Variants in ZNF180 observed in about 807,000 individuals in gnomAD.
The protein encoded by ZNF180 is zinc finger protein 180, also known as zinc finger protein 180 (HHZ168).
A neutral mutation model predicts 11.8 loss-of-function variants in ZNF180; 11 were observed. That is an observed-to-expected ratio of 0.93 (90% CI 0.59 to 1.55). ZNF180 has a LOEUF of 1.55. Ranked by LOEUF, ZNF180 falls within the 40% of genes most tolerant of loss-of-function variation. The pLI, the probability that ZNF180 is intolerant of heterozygous loss-of-function variation, is 0.00. For missense variants in ZNF180, 773 were observed against 781.7 expected, an observed-to-expected ratio of 0.99 and a Z score of 0.13; for synonymous variants, 287 against 257.7, an observed-to-expected ratio of 1.11 and a Z score of -1.09.
In ZNF180 at chr19:44,500,488, C is replaced by T; in HGVS notation, c.-257G>A. On this transcript the variant is annotated 5_prime_UTR_variant, in exon 1 of 5. Transcript: ENST00000592529. Reference sequence around the variant, plus strand: ...GAAGGGCCGAGCTGCTCGGCGACAGCAAGCGTCCGCGCGCGGGACAATGGC... The same window carrying T: ...GAAGGGCCGAGCTGCTCGGCGACAGTAAGCGTCCGCGCGCGGGACAATGGC... 3.6e-6 allele frequency: 2 copies of T among 549,132 alleles called. No individual in the cohort carries two copies. The highest frequency in any genetic ancestry group is 6.5e-6 in the Non-Finnish European group (2 of 309,254). 34.0% of individuals were successfully genotyped at this position (549,132 alleles called of 1,614,324 possible). A position where few individuals can be genotyped will look rare whatever the true frequency, so the allele number is the denominator to read the frequency against.
chr19:44,497,218 A>T, intron 2 of ZNF180, 66 bp downstream of exon 2: 1 of 1,421,022 alleles, frequency 7.0e-7, no homozygotes, highest in Non-Finnish European at 9.3e-7. Context: ...GTCAGGGAGG[A>T]GCCACAGCCT....
At chr19:44,489,046 G>A (rs960704663) in intron 2 of ZNF180, among the ~76,000 whole-genome samples, 4 of 150,546 alleles carry the variant, frequency 2.7e-5, no homozygotes, top group Admixed American at 6.6e-5. Context: ...CACCCCGTCC[G>A]GGAGGGAGGT....
intron 2 of ZNF180, among the ~76,000 whole-genome samples, chr19:44,489,029 C>T (rs1263515419): frequency 1.3e-5 from 2 of 150,444 alleles, no homozygotes; most frequent in Non-Finnish European, 3.0e-5. Flanking sequence ...CGTCTCCGCC[C>T]GGCAGCCACC....
Position 44,500,256 on chromosome 19 carries a change from G to T in ZNF180, c.-44+19C>A. ...ATGCGCGCATCGGACACCAAGCGCT[G>T]CCCCACGCCCCTACCAACCTGGGCG... On this transcript the variant is annotated intron_variant, in intron 1 of 4. Coordinates refer to ENST00000592529, the MANE Select transcript of ZNF180 (RefSeq NM_001278509.3). 3 of 1,613,594 alleles carry T rather than the reference G, an allele frequency of 1.9e-6. No individual in the cohort carries two copies. The highest frequency in any genetic ancestry group is 2.5e-6 in the Non-Finnish European group (3 of 1,179,966).
intron 1 of ZNF180, among the ~76,000 whole-genome samples, chr19:44,498,712 C>A (rs555488944): frequency 6.6e-6 from 1 of 152,148 alleles, no homozygotes; most frequent in Non-Finnish European, 1.5e-5. Flanking sequence ...TGCTCCCCCC[C>A]ACACACCTGG....
intron 2 of ZNF180, among the ~76,000 whole-genome samples, chr19:44,488,146 C>A (rs1196534911): frequency 8.5e-6 from 1 of 117,072 alleles, no homozygotes; most frequent in Non-Finnish European, 1.7e-5. Context: ...CCACGGTCTC[C>A]CTCTCCCTCT....
At chr19:44,490,961 T>G (rs1464772804) in intron 2 of ZNF180, among the ~76,000 whole-genome samples, 1 of 152,228 alleles carries the variant, frequency 6.6e-6, no homozygotes, top group Non-Finnish European at 1.5e-5. Context: ...TGCTTTCATA[T>G]CTTCACATCA....
At chr19:44,493,898 A>G (rs1600095014) in intron 2 of ZNF180, among the ~76,000 whole-genome samples, 2 of 152,286 alleles carry the variant, frequency 1.3e-5, no homozygotes, top group East Asian at 3.9e-4. Flanking sequence ...CCACCTAGTC[A>G]AGCCTTCAGA....
chr19:44,489,754 G>GA lies in ZNF180; in HGVS notation c.52-5320dup, dbSNP rs999660064. 1.2e-4 allele frequency among the ~76,000 whole-genome samples: 12 copies of GA among 102,360 alleles called. No homozygotes were observed. In the South Asian group the frequency reaches 1.2e-3, roughly 10 times the overall value. The allele number at this position is 102,360 out of a possible 152,430, so 67.2% of individuals were successfully genotyped here. A position where few individuals can be genotyped will look rare whatever the true frequency, so the allele number is the denominator to read the frequency against. ...GATCAATAAAAAAAAAAGAAAAAAA[G>GA]AAAAAAAAAAGAAAAATTTAGAAAT... On this transcript the variant is annotated intron_variant, in intron 2 of 4. Coordinates refer to ENST00000592529, the MANE Select transcript of ZNF180 (RefSeq NM_001278509.3).
At chr19:44,483,683 CA>C (rs1200047241) in intron 3 of ZNF180, among the ~76,000 whole-genome samples, 36,583 of 152,114 alleles carry the variant, frequency 0.24, 5,564 homozygotes, top group South Asian at 0.39. Flanking sequence ...CCCTCAACCT[CA>C]CTGTTCCTAT....
chr19:44,499,990 T>C (rs12459496), intron 1 of ZNF180, among the ~76,000 whole-genome samples: 54,642 of 152,086 alleles, frequency 0.36, 11,690 homozygotes, highest in South Asian at 0.53. Context: ...GTTCTCAAGA[T>C]GTCCCCTTAC....
chr19:44,484,356 C>A lies in ZNF180; in HGVS notation c.126+5G>T, dbSNP rs778448353. 6.2e-7 allele frequency: 1 copy of A among 1,610,682 alleles called. No homozygotes were observed. The highest frequency in any genetic ancestry group is 1.1e-5 in the South Asian group (1 of 91,006). On this transcript the variant is annotated splice_donor_5th_base_variant and intron_variant, in intron 3 of 4. Coordinates refer to ENST00000592529, the MANE Select transcript of ZNF180 (RefSeq NM_001278509.3). Reference sequence around the variant, plus strand: ...GTGTAAAGACAGAGGCCTTGCCCAACCTACCTGAGATGGGATGGTCAGAGA... The same window carrying A: ...GTGTAAAGACAGAGGCCTTGCCCAAACTACCTGAGATGGGATGGTCAGAGA...
At position 44,477,763 on chromosome 19, in the gene ZNF180, TA is replaced by T. The variant is rs767741608; in HGVS notation, c.636del (p.Asn213MetfsTer71). ...TTTTCATATAGTGTCTCATTCTCAT[TA>T]ATCTTCTGATGACTGTTTACAGCAG... The part of the protein sequence containing the change: ...LNAAVNSHQK[I>X]NENETLYENN... On this transcript the variant is annotated frameshift_variant, in exon 5 of 5. Transcript: ENST00000592529. LOFTEE classifies it low-confidence loss of function (END_TRUNC). 3 of 1,613,964 alleles carry T rather than the reference TA, an allele frequency of 1.9e-6. No individual in the cohort carries two copies. In the East Asian group the frequency reaches 6.7e-5, roughly 36 times the overall value.
intron 2 of ZNF180, among the ~76,000 whole-genome samples, chr19:44,490,899 T>C (rs1464450778): frequency 6.6e-6 from 1 of 152,232 alleles, no homozygotes; most frequent in African/African-American, 2.4e-5. Flanking sequence ...AGACTCTGGA[T>C]GAAATGTCCT....
chr19:44,478,086 T>A lies in ZNF180; in HGVS notation c.314A>T (p.Glu105Val). The change falls in exon 5 of 5, where the codon GAA becomes GTA. Residue 105 changes from glutamate (E) to valine (V), a missense_variant. Transcript: ENST00000592529. ...STSKQRIFDE[E>V]PANGVKIERF... ...TTCTATCTTCACTCCATTAGCTGGT[T>A]CTTCATCAAAAATCCTCTGCTTTGA... 1.2e-6 allele frequency: 2 copies of A among 1,601,308 alleles called. No individual in the cohort carries two copies. Among genetic ancestry groups the A allele is most frequent in the African/African-American group, 1.3e-5 (1 of 74,634 alleles).
Position 44,497,371 on chromosome 19 carries a change from A to G in ZNF180, c.-37T>C. ...GGCACAGCAGGGTGCTGAGGTCCTG[A>G]GCTGCACTGAGAGAAGCCCCAAGTA... On this transcript the variant is annotated 5_prime_UTR_variant, in exon 2 of 5. Transcript: ENST00000592529. 1 of 1,593,546 alleles carries G rather than the reference A, an allele frequency of 6.3e-7. No homozygotes were observed. The highest frequency in any genetic ancestry group is 8.5e-7 in the Non-Finnish European group (1 of 1,173,856).
In ZNF180 at chr19:44,477,805, T is replaced by C. The variant is rs1969965743; in HGVS notation, c.595A>G (p.Lys199Glu). The C allele has an allele frequency of 6.2e-6, 10 of 1,614,010 alleles. 1 individual carries two copies. Among genetic ancestry groups the C allele is most frequent in the East Asian group, 2.2e-5 (1 of 44,870 alleles). Reference protein sequence around the residue: ...HFHKHVSHAKKWHLNAAVNSH... With the variant: ...HFHKHVSHAKEWHLNAAVNSH... ...TTTACAGCAGCATTAAGATGCCATT[T>C]TTTAGCATGTGATACATGTTTATGA... The change falls in exon 5 of 5, where the codon AAA (lysine) becomes GAA (glutamate). Residue 199 changes from lysine (K) to glutamate (E), a missense_variant. By Grantham distance (56) the Lys-to-Glu change is moderately conservative. Transcript: ENST00000592529.
At chr19:44,481,479 G>C (rs1970078961) in intron 3 of ZNF180, among the ~76,000 whole-genome samples, 1 of 152,012 alleles carries the variant, frequency 6.6e-6, no homozygotes, top group African/African-American at 2.4e-5. Flanking sequence ...CCCCCTTTCT[G>C]TGTAATATAG....
intron 2 of ZNF180, among the ~76,000 whole-genome samples, chr19:44,490,909 T>C (rs1388794064): frequency 6.6e-6 from 1 of 152,242 alleles, no homozygotes; most frequent in East Asian, 1.9e-4. Flanking sequence ...TGAAATGTCC[T>C]TCCTTGCCCT....
Sources: gnomAD v4.1 joint callset for allele counts (sites outside exome capture counted in the v4.1 genomes callset) on GRCh38, gnomAD v4.1.1 for gene constraint, MANE v1.5 for transcripts, NCBI Gene and HGNC (gene_info 2026-07-23, HGNC 2026-07-21) for gene names.